STPG2: variants seen among roughly 807,000 people sequenced by gnomAD.
STPG2 encodes the protein sperm tail PG-rich repeat containing 2.
Under a neutral mutation model 54.2 loss-of-function variants are expected in STPG2, and 56 were observed. That is an observed-to-expected ratio of 1.03 (90% CI 0.83 to 1.29). The LOEUF is 1.29. Ranked by LOEUF, STPG2 falls within the 50% of genes most tolerant of loss-of-function variation. The pLI, the probability that STPG2 is intolerant of heterozygous loss-of-function variation, is 0.00. For synonymous variants in STPG2, 200 were observed against 181.8 expected (o/e 1.10, Z -0.81); for missense variants, 596 against 544.9 (o/e 1.09, Z -0.93).
chr4:97,523,275 C>T (rs893678197), intron 4 of STPG2, among the ~76,000 whole-genome samples: 2 of 151,726 alleles, frequency 1.3e-5, no homozygotes, highest in African/African-American at 2.4e-5. Context: ...CTTCTACCCC[C>T]AAGCCGGATA....
intron 9 of STPG2, among the ~76,000 whole-genome samples, chr4:97,757,724 T>A (rs972497240): frequency 6.6e-6 from 1 of 152,208 alleles, no homozygotes; most frequent in African/African-American, 2.4e-5. Context: ...GTCAGTAAGT[T>A]CATCCTGTTT....
chr4:98,054,439 A>G (rs559325376), intron 5 of STPG2, among the ~76,000 whole-genome samples: 34 of 152,296 alleles, frequency 2.2e-4, no homozygotes, highest in African/African-American at 6.5e-4. Flanking sequence ...TATAATTGTG[A>G]GCAAAAATAA....
intron 9 of STPG2, among the ~76,000 whole-genome samples, chr4:97,834,258 A>T (rs1197855973): frequency 6.6e-6 from 1 of 152,162 alleles, no homozygotes; most frequent in Non-Finnish European, 1.5e-5. Context: ...TAACACACGA[A>T]CTGAAAACCA....
chr4:98,032,125 A>G (rs921230900), intron 5 of STPG2, among the ~76,000 whole-genome samples: 1 of 152,240 alleles, frequency 6.6e-6, no homozygotes, highest in Non-Finnish European at 1.5e-5. Context: ...TGGGAATGTA[A>G]ACTGGTACAA....
intron 8 of STPG2, among the ~76,000 whole-genome samples, chr4:97,901,257 G>C (rs1160832181): frequency 6.6e-6 from 1 of 151,830 alleles, no homozygotes; most frequent in Non-Finnish European, 1.5e-5. Flanking sequence ...AAAGTTCAAA[G>C]CTTTTCCTTT....
intron 3 of STPG2, among the ~76,000 whole-genome samples, chr4:98,114,650 T>A (rs980102988): frequency 6.6e-6 from 1 of 152,034 alleles, no homozygotes; most frequent in East Asian, 1.9e-4. Context: ...TGAGATTTTA[T>A]GATTCAATTG....
At chr4:97,594,807 C>T (rs1560677040) in intron 10 of STPG2, among the ~76,000 whole-genome samples, 1 of 152,192 alleles carries the variant, frequency 6.6e-6, no homozygotes, top group African/African-American at 2.4e-5. Context: ...AGAAATTCTA[C>T]AAGCCAGAAA....
chr4:97,877,133 A>G (rs1174441931), intron 8 of STPG2, among the ~76,000 whole-genome samples: 2 of 152,196 alleles, frequency 1.3e-5, no homozygotes, highest in Non-Finnish European at 2.9e-5. Context: ...CAATTTTGAA[A>G]TATACATTTA....
chr4:97,936,358 G>A (rs1291349770), intron 8 of STPG2, among the ~76,000 whole-genome samples: 1 of 152,014 alleles, frequency 6.6e-6, no homozygotes, highest in African/African-American at 2.4e-5. Context: ...TTTAACTGGG[G>A]CATTTAGCCT....
At chr4:97,764,112 G>GCACACACACACA (rs3974908) in intron 9 of STPG2, among the ~76,000 whole-genome samples, 32 of 141,180 alleles carry the variant, frequency 2.3e-4, no homozygotes, top group African/African-American at 7.0e-4. Context: ...AACACCACAT[G>GCACACACACACA]CACACACACA....
chr4:97,873,112 C>G (rs879871131), intron 8 of STPG2, among the ~76,000 whole-genome samples: 4 of 151,300 alleles, frequency 2.6e-5, no homozygotes, highest in Admixed American at 1.3e-4. Context: ...TCTATATCCT[C>G]ACGTACCCAC....
intron 8 of STPG2, among the ~76,000 whole-genome samples, chr4:97,878,606 C>G (rs898238922): frequency 4.6e-5 from 7 of 152,160 alleles, no homozygotes; most frequent in Non-Finnish European, 8.8e-5. Context: ...GGACACAGGG[C>G]ACCAAGTCCC....
At chr4:97,477,087 C>A (rs779587908) in intron 4 of STPG2, among the ~76,000 whole-genome samples, 1 of 152,156 alleles carries the variant, frequency 6.6e-6, no homozygotes, top group Non-Finnish European at 1.5e-5. Context: ...AACAGTTACT[C>A]TATTAGAGTC....
chr4:97,568,816 T>C (rs1331637695), intron 10 of STPG2, among the ~76,000 whole-genome samples: 1 of 151,946 alleles, frequency 6.6e-6, no homozygotes, highest in Non-Finnish European at 1.5e-5. Context: ...CAAAAGATCC[T>C]AGCAGTTGTT....
chr4:97,699,833 A>G (rs1473626099), intron 10 of STPG2, among the ~76,000 whole-genome samples: 1 of 152,212 alleles, frequency 6.6e-6, no homozygotes, highest in Non-Finnish European at 1.5e-5. Context: ...GCAGTGTGGC[A>G]TCAGTGGAGA....
At position 97,620,193 on chromosome 4, in the gene STPG2, C is replaced by T. The variant is rs117897031; in HGVS notation, c.1321-61076G>A. Among the ~76,000 whole-genome samples the T allele has an allele frequency of 2.1e-3, 322 of 152,104 alleles. 6 individuals are homozygous for T. The East Asian group carries it at 0.032, about 15-fold the overall frequency. ...CTTCAAGCTTCTTAAAGGTAGGTTCCGAAATAACATTATCAATGCTTAGGA... is the reference window on the plus strand; with the variant it reads ...CTTCAAGCTTCTTAAAGGTAGGTTCTGAAATAACATTATCAATGCTTAGGA... On this transcript the variant is annotated intron_variant, in intron 10 of 10. Transcript: ENST00000295268.
chr4:98,117,567 T>C (rs1739557276), intron 3 of STPG2, among the ~76,000 whole-genome samples: 1 of 152,048 alleles, frequency 6.6e-6, no homozygotes, highest in African/African-American at 2.4e-5. Flanking sequence ...GTTGGTATAC[T>C]CGACAGTGTC....
intron 9 of STPG2, among the ~76,000 whole-genome samples, chr4:97,752,579 A>T (rs1725611469): frequency 6.6e-6 from 1 of 151,798 alleles, no homozygotes; most frequent in African/African-American, 2.4e-5. Context: ...AAAATGTCCA[A>T]ACTCTTCACC....
At chr4:98,127,352 G>C (rs2167892) in intron 3 of STPG2, among the ~76,000 whole-genome samples, 60,094 of 151,918 alleles carry the variant, frequency 0.4, 12,123 homozygotes, top group Middle Eastern at 0.46. Context: ...GATTTTAATG[G>C]TTCAAAGGAT....
Sources: allele counts gnomAD v4.1 joint callset (sites outside exome capture counted in the v4.1 genomes callset), GRCh38; gene constraint gnomAD v4.1.1; transcripts MANE v1.5; gene names NCBI Gene and HGNC (gene_info 2026-07-23, HGNC 2026-07-21).